GOLGA5: variants seen among roughly 807,000 people sequenced by gnomAD.
The protein encoded by GOLGA5 is golgin A5, also known as golgin subfamily A member 5.
In GOLGA5, 50 loss-of-function variants were observed where a neutral mutation model predicts 93.5. That is an observed-to-expected ratio of 0.53 (90% CI 0.43 to 0.68). The LOEUF (loss-of-function observed/expected upper bound fraction) is 0.68. Ranked by LOEUF, GOLGA5 falls within the 30% of genes least tolerant of loss-of-function variation. The pLI is 0.00. For missense variants in GOLGA5, 760 were observed against 856.4 expected (o/e 0.89, Z 1.40); for synonymous variants, 312 against 304.5 (o/e 1.02, Z -0.26).
At chr14:92,815,697 ATCTT>A (rs1224066431) in intron 6 of GOLGA5, among the ~76,000 whole-genome samples, 2 of 132,312 alleles carry the variant, frequency 1.5e-5, no homozygotes, top group Non-Finnish European at 3.1e-5. Context: ...ATTTTTTTTA[ATCTT>A]TTTTTTTTTT....
Position 92,809,337 on chromosome 14 carries a change from T to G in GOLGA5, c.810T>G (p.Asn270Lys). The change falls in exon 4 of 13, where the codon AAT becomes AAG. Residue 270 changes from asparagine to lysine, a missense_variant. Transcript: ENST00000163416. ...NKARARVEKW[N>K]ADHSKSDRMT... ...CAAGAGCAAGAGTTGAAAAGTGGAA[T>G]GCTGACCATTCAAAGAGTGATCGAA... 1.2e-6 allele frequency: 2 copies of G among 1,613,548 alleles called. No homozygotes were observed. Among genetic ancestry groups the G allele is most frequent in the Non-Finnish European group, 1.7e-6 (2 of 1,179,450 alleles).
chr14:92,800,444 A>C (rs939200033), intron 2 of GOLGA5, among the ~76,000 whole-genome samples: 1 of 152,240 alleles, frequency 6.6e-6, no homozygotes, highest in Non-Finnish European at 1.5e-5. Flanking sequence ...ACAAAGTTGG[A>C]AACACTGAGT....
chr14:92,795,841 C>T (rs1884714537), intron 1 of GOLGA5, among the ~76,000 whole-genome samples: 2 of 152,346 alleles, frequency 1.3e-5, no homozygotes, highest in South Asian at 2.1e-4. Context: ...AAGCAAATGA[C>T]ATTTGAGTGA....
chr14:92,817,632 G>C (rs762984061), intron 7 of GOLGA5, among the ~76,000 whole-genome samples: 7 of 152,188 alleles, frequency 4.6e-5, no homozygotes, highest in Non-Finnish European at 8.8e-5. Flanking sequence ...AGCATAACGA[G>C]CTTCCTTTTC....
chr14:92,811,875 G>A (rs1885109782), intron 6 of GOLGA5, 121 bp downstream of exon 6: 1 of 716,664 alleles, frequency 1.4e-6, no homozygotes, highest in Non-Finnish European at 2.4e-6. Flanking sequence ...GCTAGCTTTA[G>A]GTGCCTTACT....
rs371978655 is a variant in GOLGA5 at position 92,804,274 on chromosome 14, C to T, written c.545-2462C>T. Among the ~76,000 whole-genome samples the T allele has an allele frequency of 4.0e-4, 61 of 151,876 alleles. No homozygotes were observed. The South Asian group carries it at 0.012, about 30-fold the overall frequency. ...AGAGACGAGTTCTCACTGTATTGCC[C>T]GGGCTGGTCTCCAACTCCTGGACTC... On this transcript the variant is annotated intron_variant, in intron 2 of 12. Coordinates refer to ENST00000163416, the MANE Select transcript of GOLGA5 (RefSeq NM_005113.4).
intron 8 of GOLGA5, among the ~76,000 whole-genome samples, chr14:92,820,347 G>GA (rs1885291581): frequency 6.6e-6 from 1 of 152,254 alleles, no homozygotes; most frequent in African/African-American, 2.4e-5. Flanking sequence ...ACATCTCAGT[G>GA]GAGTAAAGAC....
rs115322203 is a variant in GOLGA5 at position 92,833,375 on chromosome 14, C to T, written c.1945+28C>T. 5.2e-4 allele frequency: 715 copies of T among 1,388,028 alleles called. 3 individuals carry two copies. The African/African-American group carries it at 9.0e-3, about 18-fold the overall frequency. The allele number at this position is 1,388,028 out of a possible 1,614,324, so 86.0% of individuals were successfully genotyped here. A position where few individuals can be genotyped will look rare whatever the true frequency, so the allele number is the denominator to read the frequency against. ...AATCAAAAAAGGAATCTCAAAAGAA[C>T]ATTTCATTCAAACATGCTTTTGAAA... On this transcript the variant is annotated intron_variant, in intron 10 of 12. Coordinates refer to ENST00000163416, the MANE Select transcript of GOLGA5 (RefSeq NM_005113.4).
intron 9 of GOLGA5, among the ~76,000 whole-genome samples, chr14:92,828,656 AAATT>A (rs1378010142): frequency 1.3e-5 from 2 of 152,110 alleles, no homozygotes; most frequent in African/African-American, 4.8e-5. Context: ...TTATTTAATT[AAATT>A]AATTAATTTA....
intron 8 of GOLGA5, among the ~76,000 whole-genome samples, chr14:92,823,959 G>T (rs975407549): frequency 3.9e-5 from 6 of 151,976 alleles, no homozygotes; most frequent in African/African-American, 1.2e-4. Flanking sequence ...CACATCTGTT[G>T]TTAAATTTGT....
intron 8 of GOLGA5, among the ~76,000 whole-genome samples, chr14:92,823,435 C>G (rs1885354977): frequency 6.9e-6 from 1 of 145,182 alleles, no homozygotes; most frequent in African/African-American, 2.6e-5. Context: ...TTTTTTTGAG[C>G]CATGGTTTCA....
At position 92,797,643 on chromosome 14, in the gene GOLGA5, A is replaced by G. The variant is rs1231193359; in HGVS notation, c.206A>G (p.Asn69Ser). The change falls in exon 2 of 13, where the codon AAC (asparagine) becomes AGC (serine). Residue 69 changes from asparagine to serine, a missense_variant. Coordinates refer to ENST00000163416, the MANE Select transcript of GOLGA5 (RefSeq NM_005113.4). ...KSTYISSAAD[N>S]IRNQKATILA... is the part of the protein sequence containing the mutation. The stretch of plus-strand genomic sequence containing the variant: ...ACGTATATTTCATCAGCAGCTGATA[A>G]CATTCGAAATCAAAAAGCCACCATC... The G allele has an allele frequency of 1.2e-6, 2 of 1,613,662 alleles. No homozygotes were observed. Among genetic ancestry groups the G allele is most frequent in the South Asian group, 2.2e-5 (2 of 91,080 alleles).
In GOLGA5 at chr14:92,794,379, CCCCT is replaced by C. The variant is rs1884668318; in HGVS notation, c.-105_-102del. On this transcript the variant is annotated 5_prime_UTR_variant, in exon 1 of 13. Transcript: ENST00000163416. ...GGGAGGAGGTTTACTCAGCTTGGGC[CCCCT>C]CCGGGCCAGCCGCCGAGGGGGCGCG... The C allele has an allele frequency of 6.6e-6, 1 of 152,372 alleles. No individual in the cohort carries two copies. Among genetic ancestry groups the C allele is most frequent in the Non-Finnish European group, 1.5e-5 (1 of 68,158 alleles). 9.4% of individuals were successfully genotyped at this position (152,372 alleles called of 1,614,324 possible).
chr14:92,809,669 A>C, intron 4 of GOLGA5, 150 bp downstream of exon 4: 1 of 638,116 alleles, frequency 1.6e-6, no homozygotes, highest in South Asian at 1.9e-5. Context: ...AAATGGATTC[A>C]TTGGCTGGGC....
chr14:92,795,783 T>G (rs1884713169), intron 1 of GOLGA5, among the ~76,000 whole-genome samples: 1 of 152,092 alleles, frequency 6.6e-6, no homozygotes, highest in African/African-American at 2.4e-5. Context: ...AAGAATAGGG[T>G]ATGTACAGAT....
Position 92,810,343 on chromosome 14 carries a change from T to C in GOLGA5, c.1082T>C (p.Leu361Pro). 1 of 1,609,590 alleles carries C rather than the reference T, an allele frequency of 6.2e-7. No homozygotes were observed. The highest frequency in any genetic ancestry group is 1.7e-5 in the Admixed American group (1 of 58,932). The change falls in exon 5 of 13, where the codon CTG becomes CCG. Residue 361 changes from leucine to proline, a missense_variant. Leu to Pro is a moderately conservative substitution (Grantham distance 98). Coordinates refer to ENST00000163416, the MANE Select transcript of GOLGA5 (RefSeq NM_005113.4). ...QERLHEADAT[L>P]KREQESYKQM... ...AGACTGCATGAAGCGGATGCCACTC[T>C]GAAGAGAGAGCAGGAGAGCTATAAA...
intron 4 of GOLGA5, among the ~76,000 whole-genome samples, chr14:92,809,836 G>A (rs538647917): frequency 6.6e-6 from 1 of 152,272 alleles, no homozygotes; most frequent in East Asian, 1.9e-4. Flanking sequence ...GCACATGCCT[G>A]TAATCCCAGC....
At position 92,810,419 on chromosome 14, in the gene GOLGA5, C is replaced by T. The variant is rs78192698; in HGVS notation, c.1116+42C>T. ...GCAGATTCCTATTGTTACTTGGACA[C>T]GGAAAAAATGACTTTATGCTGTTTC... On this transcript the variant is annotated intron_variant, in intron 5 of 12. Coordinates refer to ENST00000163416, the MANE Select transcript of GOLGA5 (RefSeq NM_005113.4). 6,945 of 1,450,896 alleles carry T rather than the reference C, an allele frequency of 4.8e-3. 199 individuals carry two copies. In the South Asian group the frequency reaches 0.054, roughly 11 times the overall value. The allele number at this position is 1,450,896 out of a possible 1,614,324, so 89.9% of individuals were successfully genotyped here.
At chr14:92,819,382 C>G (rs573248212) in intron 7 of GOLGA5, among the ~76,000 whole-genome samples, 24 of 152,080 alleles carry the variant, frequency 1.6e-4, no homozygotes, top group Admixed American at 1.6e-3. Context: ...GGCTCAACAC[C>G]TGTAATCCCA....
Sources: allele counts gnomAD v4.1 joint callset (sites outside exome capture counted in the v4.1 genomes callset), GRCh38; gene constraint gnomAD v4.1.1; transcripts MANE v1.5; gene names NCBI Gene and HGNC (gene_info 2026-07-23, HGNC 2026-07-21).